TMEM131: variants seen among roughly 807,000 people sequenced by gnomAD.
TMEM131 encodes transmembrane protein 131, also known as 2610524E03Rik.
In TMEM131, 66 loss-of-function variants were observed where a neutral mutation model predicts 211.6. That is an observed-to-expected ratio of 0.31 (90% CI 0.26 to 0.38). The LOEUF (loss-of-function observed/expected upper bound fraction) is 0.38, where lower values mean the gene tolerates loss of function less well. Among genes scored for constraint, TMEM131 ranks in the 10% least tolerant of loss-of-function variants. The pLI, the probability that TMEM131 is intolerant of heterozygous loss-of-function variation, is 1.00. For missense variants in TMEM131, 2,036 were observed against 2,299.3 expected, an observed-to-expected ratio of 0.89 and a Z score of 2.34; for synonymous variants, 844 against 841.3, an observed-to-expected ratio of 1.00 and a Z score of -0.06.
chr2:97,792,700 C>G lies in TMEM131; in HGVS notation c.3830G>C (p.Gly1277Ala), dbSNP rs1177791974. ...SNTVTQGHTA[G>A]RKSKGAKQSQ... is the part of the protein sequence containing the mutation. Reference sequence around the variant, plus strand: ...CTGCTTTGCCCCTTTGGACTTTCTGCCCGCTGTATGACCTTGAGTCACTGT... The same window carrying G: ...CTGCTTTGCCCCTTTGGACTTTCTGGCCGCTGTATGACCTTGAGTCACTGT... The change falls in exon 31 of 41, where the codon GGC (glycine) becomes GCC (alanine). Residue 1277 changes from glycine (G) to alanine (A), a missense_variant. By Grantham distance (60) the Gly-to-Ala change is moderately conservative. Coordinates refer to ENST00000186436, the MANE Select transcript of TMEM131 (RefSeq NM_015348.2). 6.2e-7 allele frequency: 1 copy of G among 1,614,010 alleles called. No individual in the cohort carries two copies. Among genetic ancestry groups the G allele is most frequent in the Non-Finnish European group, 8.5e-7 (1 of 1,179,894 alleles).
intron 1 of TMEM131, among the ~76,000 whole-genome samples, chr2:97,949,874 G>A (rs991207967): frequency 1.3e-5 from 2 of 149,696 alleles, no homozygotes; most frequent in Admixed American, 1.3e-4. Context: ...CACAGGGCTT[G>A]CTTCTTTTGG....
chr2:97,895,227 G>C (rs1675556185), intron 3 of TMEM131, among the ~76,000 whole-genome samples: 1 of 152,186 alleles, frequency 6.6e-6, no homozygotes, highest in Non-Finnish European at 1.5e-5. Context: ...AAGCCAACTT[G>C]ATCGTGGTAG....
chr2:97,950,915 C>T (rs548291937), intron 1 of TMEM131, among the ~76,000 whole-genome samples: 1 of 152,090 alleles, frequency 6.6e-6, no homozygotes, highest in African/African-American at 2.4e-5. Context: ...TTTTAATAGC[C>T]TAAATTTGCA....
At chr2:97,957,924 C>CTT (rs1678645822) in intron 1 of TMEM131, among the ~76,000 whole-genome samples, 1 of 152,124 alleles carries the variant, frequency 6.6e-6, no homozygotes, top group Non-Finnish European at 1.5e-5. Flanking sequence ...AACTCATACA[C>CTT]TGAGATGAGA....
intron 25 of TMEM131, among the ~76,000 whole-genome samples, chr2:97,799,550 T>TA (rs900699314): frequency 4.6e-5 from 7 of 152,362 alleles, no homozygotes; most frequent in Middle Eastern, 3.4e-3. Context: ...TTGTTTCTAA[T>TA]AAAATTCAAG....
chr2:97,959,243 G>A (rs1311501074), intron 1 of TMEM131, among the ~76,000 whole-genome samples: 2 of 152,144 alleles, frequency 1.3e-5, no homozygotes, highest in African/African-American at 2.4e-5. Context: ...GTTACAAGAA[G>A]GGAGAAATAG....
At chr2:97,791,519 C>G (rs959247659) in intron 31 of TMEM131, among the ~76,000 whole-genome samples, 2 of 152,200 alleles carry the variant, frequency 1.3e-5, no homozygotes, top group South Asian at 4.1e-4. Flanking sequence ...TTGGGCCCTC[C>G]GTCCAACAGT....
intron 4 of TMEM131, among the ~76,000 whole-genome samples, chr2:97,871,269 C>T (rs1674478584): frequency 6.6e-6 from 1 of 152,222 alleles, no homozygotes; most frequent in South Asian, 2.1e-4. Flanking sequence ...TAGTTGACGC[C>T]ATCTTGCTTC....
chr2:97,913,890 G>A (rs1226672842), intron 2 of TMEM131, among the ~76,000 whole-genome samples: 9 of 152,122 alleles, frequency 5.9e-5, no homozygotes, highest in Admixed American at 2.0e-4. Context: ...TTTCCCCAGG[G>A]ATATACCTGG....
intron 6 of TMEM131, among the ~76,000 whole-genome samples, chr2:97,843,103 T>C (rs973098094): frequency 6.8e-6 from 1 of 146,816 alleles, no homozygotes; most frequent in African/African-American, 2.5e-5. Context: ...TGTAAAGTAA[T>C]GTGTCAGAGC....
At chr2:97,779,548 G>C (rs1391337485) in intron 31 of TMEM131, among the ~76,000 whole-genome samples, 14 of 152,188 alleles carry the variant, frequency 9.2e-5, no homozygotes, top group Admixed American at 9.2e-4. Context: ...TCTTTTGTTA[G>C]GTCAGTAGTT....
At position 97,827,236 on chromosome 2, in the gene TMEM131, C is replaced by T. The variant is rs1682442873; in HGVS notation, c.1074+6129G>A. 32 of 766,186 alleles carry T rather than the reference C, an allele frequency of 4.2e-5. 1 individual carries two copies. The highest frequency in any genetic ancestry group is 4.0e-4 in the South Asian group (29 of 72,570). 47.5% of individuals were successfully genotyped at this position (766,186 alleles called of 1,614,324 possible). A position where few individuals can be genotyped will look rare whatever the true frequency, so the allele number is the denominator to read the frequency against. On this transcript the variant is annotated intron_variant, in intron 11 of 40. Transcript: ENST00000186436. ...CCGCAGGCACCTGGCACGCGCCTTC[C>T]CCGCCGCCAGGATGCCCAAGAGGAA...
intron 1 of TMEM131, among the ~76,000 whole-genome samples, chr2:97,978,129 A>T (rs1314171928): frequency 6.6e-6 from 1 of 152,072 alleles, no homozygotes; most frequent in Non-Finnish European, 1.5e-5. Context: ...AAAAACAGCA[A>T]TGAAGTTTGC....
intron 5 of TMEM131, among the ~76,000 whole-genome samples, chr2:97,849,453 A>C (rs530763215): frequency 4.8e-4 from 73 of 152,234 alleles, no homozygotes; most frequent in Non-Finnish European, 8.8e-4. Flanking sequence ...TAAAAGAAAG[A>C]AGCCAGACTA....
chr2:97,814,928 T>C (rs889249122), intron 13 of TMEM131, among the ~76,000 whole-genome samples: 2 of 152,178 alleles, frequency 1.3e-5, no homozygotes, highest in Non-Finnish European at 2.9e-5. Flanking sequence ...GTTCAAATGA[T>C]TTAAATAATA....
At chr2:97,842,217 G>A (rs1266143341) in intron 6 of TMEM131, among the ~76,000 whole-genome samples, 7 of 152,052 alleles carry the variant, frequency 4.6e-5, no homozygotes, top group Non-Finnish European at 1.0e-4. Flanking sequence ...AAGAAAATAG[G>A]GAGTCAAAAG....
chr2:97,846,771 C>G (rs1418035246), intron 5 of TMEM131, among the ~76,000 whole-genome samples: 1 of 152,224 alleles, frequency 6.6e-6, no homozygotes, highest in Non-Finnish European at 1.5e-5. Flanking sequence ...AGATTGGACA[C>G]TCCTGCCCTA....
chr2:97,857,564 T>A (rs1405273854), intron 5 of TMEM131, among the ~76,000 whole-genome samples: 1 of 152,254 alleles, frequency 6.6e-6, no homozygotes, highest in African/African-American at 2.4e-5. Flanking sequence ...AACTATTTTT[T>A]AACTGATTCC....
intron 1 of TMEM131, among the ~76,000 whole-genome samples, chr2:97,956,019 T>C (rs1263995532): frequency 1.3e-5 from 2 of 152,120 alleles, no homozygotes; most frequent in East Asian, 1.9e-4. Flanking sequence ...CACCCTAAAA[T>C]AGTCAAAACA....
Sources: allele counts gnomAD v4.1 joint callset (sites outside exome capture counted in the v4.1 genomes callset), GRCh38; gene constraint gnomAD v4.1.1; transcripts MANE v1.5; gene names NCBI Gene and HGNC (gene_info 2026-07-23, HGNC 2026-07-21).